Variants in TTN observed in about 807,000 individuals in gnomAD.
The protein encoded by TTN is titin, also known as connectin.
Under a neutral mutation model 3,223.0 loss-of-function variants are expected in TTN, and 1,525 were observed. The observed-to-expected ratio is 0.47, with a 90% CI of 0.45 to 0.49. TTN has a LOEUF of 0.49. Ranked by LOEUF, TTN falls within the 20% of genes least tolerant of loss-of-function variation. The pLI is 0.00. For synonymous variants in TTN, 14,094 were observed against 15,161.0 expected, an observed-to-expected ratio of 0.93 and a Z score of 5.17; for missense variants, 40,786 against 43,424.0, an observed-to-expected ratio of 0.94 and a Z score of 5.40.
At position 178,608,873 on chromosome 2, in the gene TTN, C is replaced by T. The variant is rs886042593; in HGVS notation, c.52138G>A (p.Asp17380Asn). The T allele has an allele frequency of 1.2e-6, 2 of 1,611,140 alleles. No homozygotes were observed. The highest frequency in any genetic ancestry group is 8.5e-7 in the Non-Finnish European group (1 of 1,179,160). ...PGPPINFVFE[D>N]IRKTSVLCKW... Reference sequence around the variant, plus strand: ...CAAAGGACTGAGGTCTTTCTGATATCTTCAAATACAAAGTTGATTGGTGGT... The same window carrying T: ...CAAAGGACTGAGGTCTTTCTGATATTTTCAAATACAAAGTTGATTGGTGGT... Residue 17380 changes from aspartate to asparagine, a missense_variant, in exon 274 of 363, where the codon GAT becomes AAT. Asp to Asn is a conservative substitution (Grantham distance 23). Coordinates refer to ENST00000589042, the MANE Select transcript of TTN (RefSeq NM_001267550.2).
At position 178,751,437 on chromosome 2, in the gene TTN, T is replaced by C. The variant is rs756729536; in HGVS notation, c.11311+1687A>G. 1.9e-6 allele frequency: 3 copies of C among 1,612,924 alleles called. No homozygotes were observed. The Admixed American group carries it at 5.0e-5, about 27-fold the overall frequency. On this transcript the variant is annotated intron_variant, in intron 47 of 362. Coordinates refer to ENST00000589042, the MANE Select transcript of TTN (RefSeq NM_001267550.2). Reference sequence around the variant, plus strand: ...CTCATTGTCTTAAAATGTATAGTTCTCATCATTCCCTTTTGTTCCACATCT... The same window carrying C: ...CTCATTGTCTTAAAATGTATAGTTCCCATCATTCCCTTTTGTTCCACATCT...
rs200732032 is a variant in TTN, at chr2:178,592,871, C to A, written c.59248G>T (p.Gly19750Cys). The change falls in exon 300 of 363, where the codon GGT becomes TGT. Residue 19750 changes from glycine (G) to cysteine (C), a missense_variant. By Grantham distance (159) the Gly-to-Cys change is radical. Coordinates refer to ENST00000589042, the MANE Select transcript of TTN (RefSeq NM_001267550.2). ...TKYKVTGLRD[G>C]QTYKFRVLAV... The stretch of plus-strand genomic sequence containing the variant: ...AACACTCTAAACTTATAGGTTTGAC[C>A]GTCCCGAAGACCGGTGACTTTATAT... 1 of 1,613,422 alleles carries A rather than the reference C, an allele frequency of 6.2e-7. No homozygotes were observed. The highest frequency in any genetic ancestry group is 8.5e-7 in the Non-Finnish European group (1 of 1,179,584).
At chr2:178,724,831 CA>C (rs1171530522) in intron 71 of TTN, 3 of 266,236 alleles carry the variant, frequency 1.1e-5, no homozygotes, top group Non-Finnish European at 2.1e-5. Context: ...GACTCAACTT[CA>C]AAACAATTTA....
chr2:178,611,467 T>G lies in TTN; in HGVS notation c.50762A>C (p.Asp16921Ala). 6.2e-7 allele frequency: 1 copy of G among 1,612,964 alleles called. No homozygotes were observed. The highest frequency in any genetic ancestry group is 1.1e-5 in the South Asian group (1 of 91,068). ...TCTCACTCTCAGGACATATTCTTTG[T>G]CAGGAACAACACCTTCTTCAACCTT... ...KFKVEEGVVP[D>A]KEYVLRVRAV... The change falls in exon 269 of 363, where the codon GAC becomes GCC. Residue 16921 changes from aspartate (D) to alanine (A), a missense_variant. Physicochemically the swap from Asp to Ala is moderately radical, Grantham distance 126. Coordinates refer to ENST00000589042, the MANE Select transcript of TTN (RefSeq NM_001267550.2).
In TTN at chr2:178,581,549, T is replaced by C. The variant is rs745376985; in HGVS notation, c.66719A>G (p.Tyr22240Cys). The C allele has an allele frequency of 1.2e-6, 2 of 1,611,912 alleles. No individual in the cohort carries two copies. The highest frequency in any genetic ancestry group is 1.1e-5 in the South Asian group (1 of 90,988). The change falls in exon 316 of 363, where the codon TAC becomes TGC. Residue 22240 changes from tyrosine to cysteine, a missense_variant. Coordinates refer to ENST00000589042, the MANE Select transcript of TTN (RefSeq NM_001267550.2). Reference sequence around the variant, plus strand: ...ATCTGGCACATCACTGGGGTCACTGTATCCAATCTTATTAACGGCATACAC... The same window carrying C: ...ATCTGGCACATCACTGGGGTCACTGCATCCAATCTTATTAACGGCATACAC... The part of the protein sequence containing the change: ...FRVYAVNKIG[Y>C]SDPSDVPDKH...
At chr2:178,750,436 T>C in intron 47 of TTN, 1 of 1,612,554 alleles carries the variant, frequency 6.2e-7, no homozygotes, top group South Asian at 1.1e-5. Context: ...TGATAAAGTT[T>C]TGATTACGTG....
In TTN at chr2:178,800,656, G is replaced by C; in HGVS notation, c.322C>G (p.Gln108Glu). Residue 108 changes from glutamine (Q) to glutamate (E), a missense_variant, in exon 4 of 363, where the codon CAA (glutamine) becomes GAA (glutamate). Gln to Glu is a conservative substitution (Grantham distance 29, BLOSUM62 2). Coordinates refer to ENST00000589042, the MANE Select transcript of TTN (RefSeq NM_001267550.2). ...KAETAPPNFV[Q>E]RLQSMTVRQG... ...CTCACGGTCATGCTCTGCAGTCGTT[G>C]AACGAAGTTGGGTGGTGCTGTCTCA... The C allele has an allele frequency of 6.2e-7, 1 of 1,609,982 alleles. No individual in the cohort carries two copies. The highest frequency in any genetic ancestry group is 8.5e-7 in the Non-Finnish European group (1 of 1,177,818).
Position 178,582,204 on chromosome 2 carries a change from T to C in TTN, c.66165A>G (p.Pro22055=). 3.1e-6 allele frequency: 5 copies of C among 1,603,590 alleles called. No individual in the cohort carries two copies. Among genetic ancestry groups the C allele is most frequent in the Non-Finnish European group, 4.2e-6 (5 of 1,177,266 alleles). ...EPAIAKNPYD[P]PGRCDPPVIS... ...TAACAGGAGGATCACAGCGTCCTGGTGGGTCTGCAGAAATTGATTGAAAAG... is the reference window on the plus strand; with the variant it reads ...TAACAGGAGGATCACAGCGTCCTGGCGGGTCTGCAGAAATTGATTGAAAAG... Residue 22055 remains proline (P), a synonymous_variant, in exon 315 of 363, where the codon CCA becomes CCG. Transcript: ENST00000589042.
In TTN at chr2:178,571,586, C is replaced by T. The variant is rs745488276; in HGVS notation, c.74546G>A (p.Arg24849Gln). Residue 24849 changes from arginine (R) to glutamine (Q), a missense_variant, in exon 326 of 363, where the codon CGG becomes CAG. Arg to Gln is a conservative substitution (Grantham distance 43). Transcript: ENST00000589042. ...SSINNYIVEKRDTSTTTWQIV... is the reference protein window; with the variant it reads ...SSINNYIVEKQDTSTTTWQIV... ...TTGCCAGGTGGTTGTGGAAGTGTCC[C>T]GTTTCTCAACAATGTAATTATTGAT... The T allele has an allele frequency of 8.7e-6, 14 of 1,613,138 alleles. No individual in the cohort carries two copies. Among genetic ancestry groups the T allele is most frequent in the Admixed American group, 6.7e-5 (4 of 59,982 alleles).
intron 242 of TTN, among the ~76,000 whole-genome samples, chr2:178,623,391 T>C (rs1576587384): frequency 6.6e-6 from 1 of 150,956 alleles, no homozygotes; most frequent in Non-Finnish European, 1.5e-5. Context: ...TGTTATTTCA[T>C]TCATCTGTAG....
Position 178,740,267 on chromosome 2 carries a change from A to C in TTN, c.12966T>G (p.Ile4322Met). The part of the protein sequence containing the change: ...ENAGQDSAVR[I>M]EEGKSLRFPL... ...GAAATCTTAAGGACTTGCCTTCCTCAATTCTGACCGCAGAATCTTGCCCTG... is the reference window on the plus strand; with the variant it reads ...GAAATCTTAAGGACTTGCCTTCCTCCATTCTGACCGCAGAATCTTGCCCTG... The change falls in exon 48 of 363, where the codon ATT (isoleucine) becomes ATG (methionine). Residue 4322 changes from isoleucine (I) to methionine (M), a missense_variant. Coordinates refer to ENST00000589042, the MANE Select transcript of TTN (RefSeq NM_001267550.2). 1 of 1,613,634 alleles carries C rather than the reference A, an allele frequency of 6.2e-7. No individual in the cohort carries two copies. Among genetic ancestry groups the C allele is most frequent in the Non-Finnish European group, 8.5e-7 (1 of 1,179,800 alleles).
intron 112 of TTN, among the ~76,000 whole-genome samples, chr2:178,697,698 G>C (rs2073972347): frequency 6.6e-6 from 1 of 152,110 alleles, no homozygotes; most frequent in Non-Finnish European, 1.5e-5. Flanking sequence ...AGTCAAATGA[G>C]TTAAAACTAT....
In TTN at chr2:178,740,906, C is replaced by A; in HGVS notation, c.12327G>T (p.Leu4109Phe). 6.2e-7 allele frequency: 1 copy of A among 1,613,846 alleles called. No individual in the cohort carries two copies. Among genetic ancestry groups the A allele is most frequent in the Non-Finnish European group, 8.5e-7 (1 of 1,179,822 alleles). ...AAATGGATTGCAATTCCTGAGCTCC[C>A]AAAGGAAGCTGACTGCTCAATTCAT... Reference protein sequence around the residue: ...KANELSSQLPLGAQELQSILE... With the variant: ...KANELSSQLPFGAQELQSILE... Residue 4109 changes from leucine (L) to phenylalanine (F), a missense_variant, in exon 48 of 363, where the codon TTG (leucine) becomes TTT (phenylalanine). Leu to Phe is a conservative substitution (Grantham distance 22). Transcript: ENST00000589042.
At chr2:178,627,925 G>C (rs2059272652) in intron 240 of TTN, among the ~76,000 whole-genome samples, 1 of 152,054 alleles carries the variant, frequency 6.6e-6, no homozygotes, top group African/African-American at 2.4e-5. Context: ...ATTAAATCAT[G>C]CATGATAGGC....
Position 178,590,782 on chromosome 2 carries a change from C to A in TTN, c.60943G>T (p.Gly20315Cys). 1 of 1,607,062 alleles carries A rather than the reference C, an allele frequency of 6.2e-7. No homozygotes were observed. The highest frequency in any genetic ancestry group is 8.5e-7 in the Non-Finnish European group (1 of 1,174,658). Residue 20315 changes from glycine to cysteine, a missense_variant, in exon 304 of 363, where the codon GGC becomes TGC. Coordinates refer to ENST00000589042, the MANE Select transcript of TTN (RefSeq NM_001267550.2). ...GYYMERREVT[G>C]KWVRVNKTPI... is the part of the protein sequence containing the mutation. ...GTTTTGTTGACCCTCACCCATTTGC[C>A]AGTTACTTCTCGACGTTCCATATAG... is the stretch of plus-strand genomic sequence containing the variant.
chr2:178,649,905 A>C lies in TTN; in HGVS notation c.39818-11T>G. On this transcript the variant is annotated splice_polypyrimidine_tract_variant and intron_variant, in intron 210 of 362. Coordinates refer to ENST00000589042, the MANE Select transcript of TTN (RefSeq NM_001267550.2). ...TGGGCTCTTCAGGCACTTGAATAAT[A>C]GGAATTTCTTTTAGAATTAGGTGAT... The C allele has an allele frequency of 6.3e-7, 1 of 1,598,570 alleles. No individual in the cohort carries two copies. The highest frequency in any genetic ancestry group is 1.2e-5 in the South Asian group (1 of 86,898).
rs747934823 is a variant in TTN, at chr2:178,610,383, G to A, written c.51143C>T (p.Pro17048Leu). ...ASINVKVIGLPGPCKDIKASD... is the reference protein window; with the variant it reads ...ASINVKVIGLLGPCKDIKASD... ...TGCTTTAATATCTTTGCATGGTCCA[G>A]GTAGGCCTATTACAAAAATGGATAA... The change falls in exon 271 of 363, where the codon CCT (proline) becomes CTT (leucine). Residue 17048 changes from proline (P) to leucine (L), a missense_variant. Pro to Leu is a moderately conservative substitution (Grantham distance 98). Coordinates refer to ENST00000589042, the MANE Select transcript of TTN (RefSeq NM_001267550.2). 1.2e-6 allele frequency: 2 copies of A among 1,608,062 alleles called. No individual in the cohort carries two copies. The highest frequency in any genetic ancestry group is 1.1e-5 in the South Asian group (1 of 89,494).
Position 178,684,766 on chromosome 2 carries a change from C to A in TTN, c.32555-17G>T. 6.2e-7 allele frequency: 1 copy of A among 1,608,762 alleles called. No individual in the cohort carries two copies. Among genetic ancestry groups the A allele is most frequent in the Non-Finnish European group, 8.5e-7 (1 of 1,177,444 alleles). On this transcript the variant is annotated splice_polypyrimidine_tract_variant and intron_variant, in intron 130 of 362. Transcript: ENST00000589042. ...CTTCTGGCACTTAAAAGATACCAGGCAATACCATCAAACATACGATATGGA... is the reference window on the plus strand; with the variant it reads ...CTTCTGGCACTTAAAAGATACCAGGAAATACCATCAAACATACGATATGGA...
rs749584249 is a variant in TTN at position 178,738,334 on chromosome 2, C to T, written c.14119G>A (p.Glu4707Lys). The T allele has an allele frequency of 1.7e-5, 27 of 1,612,536 alleles. No individual in the cohort carries two copies. Among genetic ancestry groups the T allele is most frequent in the Middle Eastern group, 1.6e-4 (1 of 6,074 alleles). The change falls in exon 49 of 363, where the codon GAA becomes AAA. Residue 4707 changes from glutamate to lysine, a missense_variant. By Grantham distance (56) the Glu-to-Lys change is moderately conservative (BLOSUM62 1). Transcript: ENST00000589042. The part of the protein sequence containing the change: ...RAAPVIKRKI[E>K]PLEVALGHLA... ...TGGCCCAGTGCTACTTCCAGGGGTTCGATTTTCCTCTTGATCACTGGGGCA... is the reference window on the plus strand; with the variant it reads ...TGGCCCAGTGCTACTTCCAGGGGTTTGATTTTCCTCTTGATCACTGGGGCA...
Sources: gnomAD v4.1 joint callset for allele counts (sites outside exome capture counted in the v4.1 genomes callset) on GRCh38, gnomAD v4.1.1 for gene constraint, MANE v1.5 for transcripts, NCBI Gene and HGNC (gene_info 2026-07-23, HGNC 2026-07-21) for gene names.